Variants in CNOT10 observed in about 807,000 individuals in gnomAD.
The protein encoded by CNOT10 is CCR4-NOT transcription complex subunit 10, also known as CCR4-NOT transcription complex, subunit 10.
A neutral mutation model predicts 94.6 loss-of-function variants in CNOT10; 30 were observed. The observed-to-expected ratio is 0.32, with a 90% CI of 0.24 to 0.43. CNOT10 has a LOEUF of 0.43. Ranked by LOEUF, CNOT10 falls within the 20% of genes least tolerant of loss-of-function variation. The pLI is 1.00. For synonymous variants in CNOT10, 289 were observed against 301.6 expected, an observed-to-expected ratio of 0.96 and a Z score of 0.43; for missense variants, 759 against 877.2, an observed-to-expected ratio of 0.87 and a Z score of 1.70.
intron 10 of CNOT10, among the ~76,000 whole-genome samples, chr3:32,732,072 C>G (rs373726845): frequency 9.2e-5 from 14 of 151,394 alleles, no homozygotes; most frequent in African/African-American, 2.9e-4. Context: ...GAGTGATACT[C>G]CATCTCAAAA....
chr3:32,692,616 A>T (rs1696897706), intron 1 of CNOT10, among the ~76,000 whole-genome samples: 1 of 152,154 alleles, frequency 6.6e-6, no homozygotes, highest in African/African-American at 2.4e-5. Context: ...TAATTTATGG[A>T]GTAATTGGCA....
In CNOT10 at chr3:32,759,485, C is replaced by T. The variant is rs747067818; in HGVS notation, c.1623C>T (p.Tyr541=). Residue 541 remains tyrosine, a synonymous_variant, in exon 14 of 19, where the codon TAC becomes TAT. Transcript: ENST00000328834. ...LKCSILACSA[Y]VALALGDNLM... ...GCTCCATACTTGCTTGCAGTGCCTA[C>T]GTGGCTCTGGCTTTGGGTGATAACC... The T allele has an allele frequency of 7.4e-6, 12 of 1,613,804 alleles. No individual in the cohort carries two copies. The South Asian group carries it at 8.8e-5, about 12-fold the overall frequency.
chr3:32,725,850 G>A (rs1448680520), intron 9 of CNOT10, among the ~76,000 whole-genome samples: 1 of 152,192 alleles, frequency 6.6e-6, no homozygotes, highest in Non-Finnish European at 1.5e-5. Flanking sequence ...TTGAAAATGA[G>A]TAATTCCCTG....
At chr3:32,686,737 G>C (rs1696617818) in intron 1 of CNOT10, among the ~76,000 whole-genome samples, 1 of 152,182 alleles carries the variant, frequency 6.6e-6, no homozygotes, top group African/African-American at 2.4e-5. Flanking sequence ...CCTTATTTTA[G>C]AATAGTGTCT....
intron 13 of CNOT10, among the ~76,000 whole-genome samples, chr3:32,747,867 G>C (rs1691456928): frequency 6.6e-6 from 1 of 152,138 alleles, no homozygotes; most frequent in Non-Finnish European, 1.5e-5. Flanking sequence ...AGAATTGCTT[G>C]AGTGCAGGAG....
At chr3:32,757,902 G>C (rs1700287665) in intron 13 of CNOT10, among the ~76,000 whole-genome samples, 1 of 152,200 alleles carries the variant, frequency 6.6e-6, no homozygotes, top group African/African-American at 2.4e-5. Context: ...ATAAGGGTCA[G>C]ATTTAAAATT....
chr3:32,727,575 T>C (rs1489154967), intron 9 of CNOT10, 93 bp from the exon 10 acceptor site: 7 of 803,838 alleles, frequency 8.7e-6, no homozygotes, highest in Non-Finnish European at 1.5e-5. Context: ...GTGTTAAACA[T>C]GGTAGTGTCT....
intron 1 of CNOT10, among the ~76,000 whole-genome samples, chr3:32,699,997 A>T (rs1281623401): frequency 1.5e-5 from 2 of 134,290 alleles, no homozygotes; most frequent in Non-Finnish European, 1.6e-5. Flanking sequence ...TTTTTTTGAG[A>T]TGAAGTCTTG....
At chr3:32,707,532 G>A (rs548765980) in intron 3 of CNOT10, among the ~76,000 whole-genome samples, 6 of 152,268 alleles carry the variant, frequency 3.9e-5, no homozygotes, top group Non-Finnish European at 5.9e-5. Flanking sequence ...GGCCAGGTGC[G>A]GTGGCTCATG....
Position 32,687,439 on chromosome 3 carries a change from G to GTTTTTTTTTTTTTTTTTT in CNOT10, c.22+1969_22+1970insTTTTTTTTTTTTTTTTTT, listed in dbSNP as rs201119069. ...TTCTTTCTCCTTTTAAGTCCTCACG[G>GTTTTTTTTTTTTTTTTTT]TTTTTTTTTTTTGTTTTTTTTTTTT... On this transcript the variant is annotated intron_variant, in intron 1 of 18. Coordinates refer to ENST00000328834, the MANE Select transcript of CNOT10 (RefSeq NM_015442.3). Among the ~76,000 whole-genome samples, 4 of 51,316 alleles carry GTTTTTTTTTTTTTTTTTT rather than the reference G, an allele frequency of 7.8e-5. 1 individual carries two copies. The highest frequency in any genetic ancestry group is 1.4e-4 in the Non-Finnish European group (4 of 29,278). The allele number at this position is 51,316 out of a possible 152,430, so 33.7% of individuals were successfully genotyped here. A position where few individuals can be genotyped will look rare whatever the true frequency, so the allele number is the denominator to read the frequency against.
At chr3:32,687,439 G>GT (rs201119069) in intron 1 of CNOT10, among the ~76,000 whole-genome samples, 6 of 51,312 alleles carry the variant, frequency 1.2e-4, no homozygotes, top group South Asian at 1.1e-3. Flanking sequence ...AGTCCTCACG[G>GT]TTTTTTTTTT....
Position 32,685,444 on chromosome 3 carries a change from C to T in CNOT10, c.-17C>T, listed in dbSNP as rs901564906. The stretch of plus-strand genomic sequence containing the variant: ...GCCACGCCACCTGCAGGGAAGAACC[C>T]GAGTCGAAGCGGGAAGATGGCTGCA... On this transcript the variant is annotated 5_prime_UTR_variant, in exon 1 of 19. Transcript: ENST00000328834. 1 of 1,550,118 alleles carries T rather than the reference C, an allele frequency of 6.5e-7. No homozygotes were observed. Among genetic ancestry groups the T allele is most frequent in the African/African-American group, 1.4e-5 (1 of 73,012 alleles).
At chr3:32,698,414 AAGG>A (rs1432103589) in intron 1 of CNOT10, among the ~76,000 whole-genome samples, 29 of 152,292 alleles carry the variant, frequency 1.9e-4, no homozygotes, top group African/African-American at 5.1e-4. Context: ...TGACTCTCAA[AAGG>A]GTGTTCAGTC....
intron 11 of CNOT10, 97 bp from the exon 12 acceptor site, chr3:32,734,703 C>A: frequency 9.6e-7 from 1 of 1,042,632 alleles, no homozygotes; most frequent in Non-Finnish European, 1.4e-6. Context: ...AAAGGCATAG[C>A]TTTCATTTAT....
At chr3:32,697,584 C>T (rs1183876284) in intron 1 of CNOT10, among the ~76,000 whole-genome samples, 1 of 152,174 alleles carries the variant, frequency 6.6e-6, no homozygotes, top group Non-Finnish European at 1.5e-5. Flanking sequence ...GATTATCCCA[C>T]CTCACCTCCC....
chr3:32,689,796 TA>T (rs556178814), intron 1 of CNOT10, among the ~76,000 whole-genome samples: 130 of 151,036 alleles, frequency 8.6e-4, no homozygotes, highest in Middle Eastern at 6.8e-3. Context: ...CCGTAAAAAA[TA>T]AAAAAAAATT....
chr3:32,723,999 G>A (rs1013172331), intron 8 of CNOT10, among the ~76,000 whole-genome samples: 1 of 152,102 alleles, frequency 6.6e-6, no homozygotes, highest in East Asian at 1.9e-4. Context: ...AGGATTGCTT[G>A]AGCCCAGGAG....
chr3:32,729,307 G>A (rs562638135), intron 10 of CNOT10, among the ~76,000 whole-genome samples: 21 of 152,282 alleles, frequency 1.4e-4, no homozygotes, highest in Non-Finnish European at 2.5e-4. Context: ...GGCAATTGGT[G>A]GAAGCCTTTT....
intron 7 of CNOT10, among the ~76,000 whole-genome samples, chr3:32,719,198 G>T (rs1187913296): frequency 6.6e-6 from 1 of 152,160 alleles, no homozygotes; most frequent in African/African-American, 2.4e-5. Flanking sequence ...GCAGTGAGCC[G>T]AGATCGCGCC....
Sources: gnomAD v4.1 joint callset for allele counts (sites outside exome capture counted in the v4.1 genomes callset) on GRCh38, gnomAD v4.1.1 for gene constraint, MANE v1.5 for transcripts, NCBI Gene and HGNC (gene_info 2026-07-23, HGNC 2026-07-21) for gene names.